The following BMP8B variants were observed in gnomAD, a reference collection of about 807,000 sequenced individuals.
BMP8B encodes bone morphogenetic protein 8 (osteogenic protein 2).
Under a neutral mutation model 30.3 loss-of-function variants are expected in BMP8B, and 17 were observed. The observed-to-expected ratio is 0.56, with a 90% confidence interval of 0.38 to 0.84. The LOEUF (loss-of-function observed/expected upper bound fraction) is 0.84. Among genes scored for constraint, BMP8B ranks in the 40% least tolerant of loss-of-function variants. BMP8B has a pLI of 0.00. For missense variants in BMP8B, 253 were observed against 494.6 expected (o/e 0.51, Z 4.63); for synonymous variants, 131 against 214.7 (o/e 0.61, Z 3.41).
At chr1:39,782,359 C>G (rs770852934) in intron 1 of BMP8B, among the ~76,000 whole-genome samples, 26 of 152,186 alleles carry the variant, frequency 1.7e-4, no homozygotes, top group Admixed American at 3.3e-4. Context: ...CTTTTTACTA[C>G]TCTGCTCTAG....
At position 39,760,067 on chromosome 1, in the gene BMP8B, A is replaced by G. The variant is rs141541760; in HGVS notation, c.*352T>C. 4.1e-5 allele frequency: 12 copies of G among 290,978 alleles called. No individual in the cohort carries two copies. The highest frequency in any genetic ancestry group is 8.6e-5 in the African/African-American group (4 of 46,362). 18.0% of individuals were successfully genotyped at this position (290,978 alleles called of 1,614,324 possible). ...GTGCCTCTCAGGTCATTCCACATCT[A>G]TCTCACGACCTGAGCCAGTAAGGGG... On this transcript the variant is annotated 3_prime_UTR_variant, in exon 7 of 7. Transcript: ENST00000372827.
chr1:39,777,158 G>A (rs1650291098), intron 1 of BMP8B, among the ~76,000 whole-genome samples: 1 of 152,222 alleles, frequency 6.6e-6, no homozygotes, highest in Non-Finnish European at 1.5e-5. Context: ...GAATTCCAAA[G>A]ATGTATTGGC....
At chr1:39,777,725 C>A (rs1217276101) in intron 1 of BMP8B, among the ~76,000 whole-genome samples, 5 of 152,238 alleles carry the variant, frequency 3.3e-5, no homozygotes, top group Non-Finnish European at 2.9e-5. Context: ...ATCTTGTGGC[C>A]TGTGACCCAT....
At chr1:39,781,944 G>A (rs1650664928) in intron 1 of BMP8B, among the ~76,000 whole-genome samples, 1 of 152,054 alleles carries the variant, frequency 6.6e-6, no homozygotes, top group Non-Finnish European at 1.5e-5. Flanking sequence ...ATCACCTGAG[G>A]TCAGGAGTTC....
At chr1:39,786,495 G>A (rs1292713258) in intron 1 of BMP8B, among the ~76,000 whole-genome samples, 5 of 152,220 alleles carry the variant, frequency 3.3e-5, no homozygotes, top group African/African-American at 1.2e-4. Flanking sequence ...CACACAGAGG[G>A]GTAGGCCCTG....
chr1:39,788,380 G>C lies in BMP8B; in HGVS notation c.106C>G (p.Leu36Val), dbSNP rs929863491. The change falls in exon 1 of 7, where the codon CTG becomes GTG. Residue 36 changes from leucine to valine, a missense_variant. By Grantham distance (32) the Leu-to-Val change is conservative. Around this residue, in one of 7 missense-constraint regions of BMP8B, gnomAD observed 54 missense variants for 70.8 expected, o/e 0.76. Transcript: ENST00000372827. This position sits in a 1 kb window ranked among gnomAD's most constrained non-coding sequence, Gnocchi z 5.8. ...RPPPGCPQRRLGARERRDVQR... is the reference protein window; with the variant it reads ...RPPPGCPQRRVGARERRDVQR... ...ACGTCCCGGCGCTCGCGCGCGCCCA[G>C]ACGTCGCTGGGGACAGCCGGGCGGG... 41 of 1,117,776 alleles carry C rather than the reference G, an allele frequency of 3.7e-5. 4 individuals carry two copies. In the East Asian group the frequency reaches 8.8e-4, roughly 24 times the overall value. The allele number at this position is 1,117,776 out of a possible 1,614,324, so 69.2% of individuals were successfully genotyped here.
intron 1 of BMP8B, among the ~76,000 whole-genome samples, chr1:39,778,680 A>G (rs1650405045): frequency 6.6e-6 from 1 of 152,216 alleles, no homozygotes; most frequent in Admixed American, 6.5e-5. Flanking sequence ...GAACACCCAC[A>G]CATGCCTCCA....
At chr1:39,775,503 C>T (rs397834224) in intron 1 of BMP8B, among the ~76,000 whole-genome samples, 3 of 152,186 alleles carry the variant, frequency 2.0e-5, no homozygotes, top group Non-Finnish European at 2.9e-5. Flanking sequence ...TCAGGGGACA[C>T]AAGGCATCCA....
intron 1 of BMP8B, among the ~76,000 whole-genome samples, chr1:39,781,794 C>A (rs1415196219): frequency 6.6e-6 from 1 of 152,156 alleles, no homozygotes; most frequent in Non-Finnish European, 1.5e-5. Context: ...CATAGACCAG[C>A]TGTTGGATGG....
intron 1 of BMP8B, among the ~76,000 whole-genome samples, chr1:39,777,296 T>C (rs1650300464): frequency 6.6e-6 from 1 of 152,202 alleles, no homozygotes; most frequent in Non-Finnish European, 1.5e-5. Context: ...CCCCAAATGG[T>C]CTCACGCTGA....
rs140337041 is a variant in BMP8B, at chr1:39,788,162, G to A, written c.324C>T (p.Phe108=). The part of the protein sequence containing the change: ...RLGRADLVMS[F]VNMVERDRAL... ...GGCGGCCGCACTCACCCATGTTAAC[G>A]AAGCTCATGACCAGGTCGGCGCGGC... The change falls in exon 1 of 7, where the codon TTC becomes TTT. Residue 108 remains phenylalanine, a synonymous_variant. Coordinates refer to ENST00000372827, the MANE Select transcript of BMP8B (RefSeq NM_001720.5). The surrounding 1 kb of genome is among the most constrained non-coding windows in gnomAD (Gnocchi z 5.8). 0.029 allele frequency: 45,864 copies of A among 1,570,600 alleles called. 1,000 individuals are homozygous for A. The highest frequency in any genetic ancestry group is 0.11 in the East Asian group (4,622 of 41,654).
chr1:39,782,162 A>AG (rs895691573), intron 1 of BMP8B, among the ~76,000 whole-genome samples: 4 of 151,340 alleles, frequency 2.6e-5, no homozygotes, highest in African/African-American at 9.7e-5. Context: ...AAAAAAAAAA[A>AG]AAACAAAAAA....
intron 3 of BMP8B, among the ~76,000 whole-genome samples, chr1:39,769,343 C>T (rs868303517): frequency 5.3e-5 from 8 of 150,504 alleles, no homozygotes; most frequent in Middle Eastern, 3.4e-3. Context: ...TTTTCTCCCT[C>T]GTCAGTTTTT....
At chr1:39,779,666 G>A (rs1183452312) in intron 1 of BMP8B, among the ~76,000 whole-genome samples, 1 of 152,208 alleles carries the variant, frequency 6.6e-6, no homozygotes, top group African/African-American at 2.4e-5. Context: ...GAACTGAAGA[G>A]TCACCCAGGG....
intron 1 of BMP8B, among the ~76,000 whole-genome samples, chr1:39,779,725 C>G (rs746046124): frequency 3.3e-5 from 5 of 152,228 alleles, no homozygotes; most frequent in Non-Finnish European, 7.3e-5. Flanking sequence ...TTTTTAAGCA[C>G]TGACCTGTGT....
chr1:39,770,630 A>T, intron 3 of BMP8B: 1 of 1,565,018 alleles, frequency 6.4e-7, no homozygotes, highest in Non-Finnish European at 8.7e-7. Flanking sequence ...CCCTTTCACC[A>T]GGGCGAAGTC....
In BMP8B at chr1:39,762,601, A is replaced by T. The variant is rs774575422; in HGVS notation, c.1059+491T>A. ...AGAGAGAAACTGGGGGAAAAGCCAA[A>T]AGGTTGAGAGCCACACCATCTAGAA... On this transcript the variant is annotated intron_variant, in intron 6 of 6. Coordinates refer to ENST00000372827, the MANE Select transcript of BMP8B (RefSeq NM_001720.5). 3.2e-6 allele frequency: 5 copies of T among 1,550,122 alleles called. No individual in the cohort carries two copies. The African/African-American group carries it at 4.1e-5, about 13-fold the overall frequency.
chr1:39,775,171 C>T (rs34047126), intron 1 of BMP8B, 133 bp from the exon 2 acceptor site: 227,904 of 1,359,360 alleles, frequency 0.17, 19,695 homozygotes, highest in South Asian at 0.19. Context: ...CTGGGTGGGG[C>T]CGGCTTCATT....
At chr1:39,780,110 C>G (rs138897115) in intron 1 of BMP8B, among the ~76,000 whole-genome samples, 12 of 152,346 alleles carry the variant, frequency 7.9e-5, no homozygotes, top group African/African-American at 2.9e-4. Flanking sequence ...CTTTTATAGA[C>G]TAATCCTGGC....
Sources: allele counts gnomAD v4.1 joint callset (sites outside exome capture counted in the v4.1 genomes callset), GRCh38; gene constraint gnomAD v4.1.1; regional missense constraint gnomAD v4.1.1; non-coding constraint Gnocchi (gnomAD v3.1); transcripts MANE v1.5; gene names NCBI Gene and HGNC (gene_info 2026-07-23, HGNC 2026-07-21).